The following CDC42BPG variants were observed in gnomAD, a reference collection of about 807,000 sequenced individuals.
CDC42BPG encodes CDC42 binding protein kinase gamma.
Under a neutral mutation model 192.2 loss-of-function variants are expected in CDC42BPG, and 157 were observed. That is an observed-to-expected ratio of 0.82 (90% CI 0.72 to 0.93). The LOEUF (loss-of-function observed/expected upper bound fraction) is 0.93, where lower values mean the gene tolerates loss of function less well. Ranked by LOEUF, CDC42BPG falls within the 40% of genes least tolerant of loss-of-function variation. The pLI is 0.00. For missense variants in CDC42BPG, 1,992 were observed against 2,122.1 expected, an observed-to-expected ratio of 0.94 and a Z score of 1.20; for synonymous variants, 981 against 918.5, an observed-to-expected ratio of 1.07 and a Z score of -1.23.
At chr11:64,838,286 C>G (rs1236011998) in intron 8 of CDC42BPG, 124 bp from the exon 9 acceptor site, 6 of 693,308 alleles carry the variant, frequency 8.7e-6, no homozygotes, top group Admixed American at 2.9e-5. Flanking sequence ...GGGGGTAACA[C>G]AGCCCAACCC....
chr11:64,838,718 G>GGAA lies in CDC42BPG; in HGVS notation c.1058_1060dup (p.Ile353_Pro354insLeu), dbSNP rs1237742612. On this transcript the variant is annotated inframe_insertion, in exon 8 of 37. Coordinates refer to ENST00000342711, the MANE Select transcript of CDC42BPG (RefSeq NM_017525.3). ...GGTGTCCATGGGCCCCCGCAGCTCA[G>GGAA]GAATATAGGGGGCCGTGCTGCTCGC... 1 of 1,613,008 alleles carries GGAA rather than the reference G, an allele frequency of 6.2e-7. No homozygotes were observed. Among genetic ancestry groups the GGAA allele is most frequent in the East Asian group, 2.2e-5 (1 of 44,902 alleles).
At chr11:64,840,946 G>A (rs1943254350) in intron 3 of CDC42BPG, among the ~76,000 whole-genome samples, 1 of 150,546 alleles carries the variant, frequency 6.6e-6, no homozygotes, top group Admixed American at 6.6e-5. Flanking sequence ...ATCAAGAGTT[G>A]GAGACCAGCC....
chr11:64,839,241 T>G lies in CDC42BPG; in HGVS notation c.676-8A>C, dbSNP rs1565696571. 1 of 1,612,456 alleles carries G rather than the reference T, an allele frequency of 6.2e-7. No homozygotes were observed. The highest frequency in any genetic ancestry group is 8.5e-7 in the Non-Finnish European group (1 of 1,179,684). ...TGCCACTGATGAATCCACCTGTGGGTGGTGGTGGTGAAGCCATGAGGACAG... is the reference window on the plus strand; with the variant it reads ...TGCCACTGATGAATCCACCTGTGGGGGGTGGTGGTGAAGCCATGAGGACAG... On this transcript the variant is annotated splice_region_variant and splice_polypyrimidine_tract_variant and intron_variant, in intron 6 of 36. Transcript: ENST00000342711.
chr11:64,834,524 C>T lies in CDC42BPG; in HGVS notation c.2229G>A (p.Leu743=). 1.3e-6 allele frequency: 2 copies of T among 1,584,452 alleles called. No homozygotes were observed. The highest frequency in any genetic ancestry group is 1.7e-6 in the Non-Finnish European group (2 of 1,163,604). ...CGGCCTCCAGCGCTGACTGCAGCTC[C>T]AGCCTGGCCGAGGCCTCCATCTTCT... ...RLQKMEASAR[L]ELQSALEAEI... is the part of the protein sequence containing the mutation. The change falls in exon 19 of 37, where the codon CTG becomes CTA. Residue 743 remains leucine, a synonymous_variant. Coordinates refer to ENST00000342711, the MANE Select transcript of CDC42BPG (RefSeq NM_017525.3).
At chr11:64,837,122 A>C in intron 9 of CDC42BPG, 103 bp from the exon 10 acceptor site, 1 of 1,019,912 alleles carries the variant, frequency 9.8e-7, no homozygotes, top group Non-Finnish European at 1.5e-6. Flanking sequence ...AACAGCCAAA[A>C]CAGACCCTGC....
In CDC42BPG at chr11:64,829,543, T is replaced by A; in HGVS notation, c.3895A>T (p.Ile1299Phe). 6.2e-7 allele frequency: 1 copy of A among 1,612,932 alleles called. No homozygotes were observed. Among genetic ancestry groups the A allele is most frequent in the Non-Finnish European group, 8.5e-7 (1 of 1,179,910 alleles). The change falls in exon 30 of 37, where the codon ATC becomes TTC. Residue 1299 changes from isoleucine (I) to phenylalanine (F), a missense_variant. Physicochemically the swap from Ile to Phe is conservative, Grantham distance 21. This residue lies in a region of CDC42BPG where 1,656 missense variants were observed against 1,844.3 expected (regional missense o/e 0.90). Coordinates refer to ENST00000342711, the MANE Select transcript of CDC42BPG (RefSeq NM_017525.3). ...TTGCGGCCTGCGCCATCCACGTAGA[T>A]GCCAGCAGTGGTGAAGAGTAGCAGG... ...EFLLLFTTAG[I>F]YVDGAGRKSR...
chr11:64,842,087 C>G (rs1182711825), intron 1 of CDC42BPG, among the ~76,000 whole-genome samples, 183 bp from the exon 2 acceptor site: 1 of 152,176 alleles, frequency 6.6e-6, no homozygotes, highest in East Asian at 1.9e-4. Flanking sequence ...TCAGGAAGTG[C>G]GGAAGGTCAG....
At chr11:64,840,378 G>C (rs1943227332) in intron 4 of CDC42BPG, 110 bp from the exon 5 acceptor site, 7 of 1,484,768 alleles carry the variant, frequency 4.7e-6, no homozygotes, top group Non-Finnish European at 6.4e-6. Context: ...GCAGCTCTGG[G>C]CTGGCCAGTT....
At chr11:64,841,425 C>T (rs1461965302) in intron 3 of CDC42BPG, among the ~76,000 whole-genome samples, 2 of 149,630 alleles carry the variant, frequency 1.3e-5, no homozygotes, top group Non-Finnish European at 3.0e-5. Context: ...GAACTCCAGC[C>T]TAGTTGACAG....
At position 64,837,025 on chromosome 11, in the gene CDC42BPG, G is replaced by T. The variant is rs781496330; in HGVS notation, c.1206-6C>A. ...AGCTGCTCTCAGGACTGTGACTGTA[G>T]GGGGACAGGGGCCATGTTTGTTGGT... On this transcript the variant is annotated splice_region_variant and splice_polypyrimidine_tract_variant and intron_variant, in intron 9 of 36. Coordinates refer to ENST00000342711, the MANE Select transcript of CDC42BPG (RefSeq NM_017525.3). 4.7e-5 allele frequency: 76 copies of T among 1,608,656 alleles called. No individual in the cohort carries two copies. The highest frequency in any genetic ancestry group is 6.4e-5 in the Non-Finnish European group (75 of 1,175,660).
Position 64,840,194 on chromosome 11 carries a change from G to C in CDC42BPG, c.507C>G (p.Pro169=), listed in dbSNP as rs150066049. ...LLSRFEDRLP[P]ELAQFYLAEM... is the part of the protein sequence containing the mutation. ...CAGCCAGGTAGAACTGGGCCAGCTC[G>C]GGCGGGAGACGGTCCTCGAAGCGGC... Residue 169 remains proline (P), a synonymous_variant, in exon 5 of 37, where the codon CCC becomes CCG. Transcript: ENST00000342711. 4.3e-6 allele frequency: 7 copies of C among 1,613,220 alleles called. No homozygotes were observed. The highest frequency in any genetic ancestry group is 2.2e-5 in the East Asian group (1 of 44,886).
rs369502956 is a variant in CDC42BPG, at chr11:64,835,502, G to C, written c.1878C>G (p.His626Gln). 6.9e-6 allele frequency: 11 copies of C among 1,603,054 alleles called. No homozygotes were observed. In the African/African-American group the frequency reaches 9.4e-5, roughly 14 times the overall value. Residue 626 changes from histidine to glutamine, a missense_variant and splice_region_variant, in exon 15 of 37, where the codon CAC becomes CAG. Transcript: ENST00000342711. Reference protein sequence around the residue: ...LREQLEQAHSHRPSGKEEALC... With the variant: ...LREQLEQAHSQRPSGKEEALC... ...CTGCCACCAGCTGCCTGGCTCACCT[G>C]TGGCTGTGGGCCTGCTCCAGCTGCT...
At position 64,840,228 on chromosome 11, in the gene CDC42BPG, G is replaced by T. The variant is rs770214055; in HGVS notation, c.473C>A (p.Thr158Lys). ...ACGGTCCTCGAAGCGGCTCAGCAGC[G>T]TCAGGAGGTCCCCACCAGCATAGTA... ...MDYYAGGDLL[T>K]LLSRFEDRLP... Residue 158 changes from threonine (T) to lysine (K), a missense_variant, in exon 5 of 37, where the codon ACG becomes AAG. Physicochemically the swap from Thr to Lys is moderately conservative, Grantham distance 78. Coordinates refer to ENST00000342711, the MANE Select transcript of CDC42BPG (RefSeq NM_017525.3). 6.2e-7 allele frequency: 1 copy of T among 1,612,948 alleles called. No homozygotes were observed. The highest frequency in any genetic ancestry group is 8.5e-7 in the Non-Finnish European group (1 of 1,180,010).
At chr11:64,831,133 G>A (rs1194694185) in intron 28 of CDC42BPG, among the ~76,000 whole-genome samples, 2 of 151,992 alleles carry the variant, frequency 1.3e-5, no homozygotes, top group Admixed American at 6.6e-5. Flanking sequence ...CAGGAGAATC[G>A]CTTGAATCTG....
Position 64,840,606 on chromosome 11 carries a change from C to T in CDC42BPG, c.379G>A (p.Asp127Asn). ...TGCAGAGTGGTCACCCAACGGCTGT[C>T]CCCTTTCACGAGCACATCCCGCTCC... ...REERDVLVKG[D>N]SRWVTTLHYA... The change falls in exon 4 of 37, where the codon GAC becomes AAC. Residue 127 changes from aspartate (D) to asparagine (N), a missense_variant. Around this residue, in one of 2 missense-constraint regions of CDC42BPG, gnomAD observed 1,656 missense variants for 1,844.3 expected, o/e 0.90. Transcript: ENST00000342711. 2 of 1,613,948 alleles carry T rather than the reference C, an allele frequency of 1.2e-6. No individual in the cohort carries two copies. Among genetic ancestry groups the T allele is most frequent in the Non-Finnish European group, 1.7e-6 (2 of 1,180,036 alleles).
Position 64,844,400 on chromosome 11 carries a change from C to T in CDC42BPG, c.160+10G>A, listed in dbSNP as rs1054966935. The T allele has an allele frequency of 1.4e-6, 2 of 1,431,846 alleles. No individual in the cohort carries two copies. The highest frequency in any genetic ancestry group is 1.8e-6 in the Non-Finnish European group (2 of 1,097,162). The allele number at this position is 1,431,846 out of a possible 1,614,324, so 88.7% of individuals were successfully genotyped here. A position where few individuals can be genotyped will look rare whatever the true frequency, so the allele number is the denominator to read the frequency against. ...GGCCCGCCCCCGCTCCGTGCCGCCC[C>T]GCCACTCACCCCAGCTCAGGAACTG... is the stretch of plus-strand genomic sequence containing the variant. On this transcript the variant is annotated intron_variant, in intron 1 of 36. Transcript: ENST00000342711.
rs199923631 is a variant in CDC42BPG, at chr11:64,839,485, T to C, written c.668A>G (p.Asn223Ser). 31 of 1,613,124 alleles carry C rather than the reference T, an allele frequency of 1.9e-5. No individual in the cohort carries two copies. The East Asian group carries it at 4.7e-4, about 24-fold the overall frequency. ...CTGGGGCGGGGTCCTTACCATGCCGTTGGTGTTGAGACGCAGGCAGGAGCC... is the reference window on the plus strand; with the variant it reads ...CTGGGGCGGGGTCCTTACCATGCCGCTGGTGTTGAGACGCAGGCAGGAGCC... The part of the protein sequence containing the change: ...DFGSCLRLNT[N>S]GMVDSSVAVG... The change falls in exon 6 of 37, where the codon AAC becomes AGC. Residue 223 changes from asparagine (N) to serine (S), a missense_variant. Physicochemically the swap from Asn to Ser is conservative, Grantham distance 46 (BLOSUM62 1). Around this residue, in one of 2 missense-constraint regions of CDC42BPG, gnomAD observed 1,656 missense variants for 1,844.3 expected, o/e 0.90. Transcript: ENST00000342711.
chr11:64,836,120 C>T lies in CDC42BPG; in HGVS notation c.1665G>A (p.Arg555=), dbSNP rs1326176639. The stretch of plus-strand genomic sequence containing the variant: ...CCTACCCACCCTGGTCACTCACCTC[C>T]CTCTGGGCAGCCCGGGCTTCCTCCA... ...SQLEEARAAQ[R]ELEAQVSSLS... is the part of the protein sequence containing the mutation. The change falls in exon 13 of 37, where the codon AGG becomes AGA. Residue 555 remains arginine (R), a synonymous_variant. Transcript: ENST00000342711. The T allele has an allele frequency of 1.2e-5, 19 of 1,598,104 alleles. No individual in the cohort carries two copies. The highest frequency in any genetic ancestry group is 1.6e-5 in the Non-Finnish European group (19 of 1,174,276).
intron 1 of CDC42BPG, 68 bp downstream of exon 1, chr11:64,844,342 T>C: frequency 7.8e-7 from 1 of 1,288,100 alleles, no homozygotes. Flanking sequence ...CGGGAAAGTC[T>C]GCGGGTGCGG....
Sources: gnomAD v4.1 joint callset for allele counts (sites outside exome capture counted in the v4.1 genomes callset) on GRCh38, gnomAD v4.1.1 for gene constraint, gnomAD v4.1.1 regional missense constraint, MANE v1.5 for transcripts, NCBI Gene and HGNC (gene_info 2026-07-23, HGNC 2026-07-21) for gene names.